TMEM30A: variants seen among roughly 807,000 people sequenced by gnomAD.
The protein encoded by TMEM30A is cell cycle control protein 50A.
Under a neutral mutation model 38.2 loss-of-function variants are expected in TMEM30A, and 24 were observed. That is an observed-to-expected ratio of 0.63 (90% CI 0.46 to 0.88). The LOEUF (loss-of-function observed/expected upper bound fraction) is 0.88, where lower values mean the gene tolerates loss of function less well. TMEM30A is among the 40% of genes least tolerant of loss of function. The probability of loss-of-function intolerance (pLI) is 0.00; values close to 1 mark genes in which losing one functional copy is unlikely to be tolerated. For synonymous variants in TMEM30A, 145 were observed against 161.6 expected, an observed-to-expected ratio of 0.90 and a Z score of 0.78; for missense variants, 370 against 458.6, an observed-to-expected ratio of 0.81 and a Z score of 1.77.
At chr6:75,268,805 G>A (rs771997465) in intron 1 of TMEM30A, among the ~76,000 whole-genome samples, 1 of 152,088 alleles carries the variant, frequency 6.6e-6, no homozygotes, top group Non-Finnish European at 1.5e-5. Flanking sequence ...TGAGTGGCCT[G>A]GGAACTTGAA....
chr6:75,256,874 TAAG>T, intron 6 of TMEM30A: 1 of 411,996 alleles, frequency 2.4e-6, no homozygotes, highest in Non-Finnish European at 4.8e-6. Context: ...GGTGGGCTGT[TAAG>T]GAGATTTAGG....
rs1771834572 is a variant in TMEM30A, at chr6:75,254,382, T to C, written c.*1720A>G. 6.6e-6 allele frequency: 1 copy of C among 151,982 alleles called. No individual in the cohort carries two copies. The highest frequency in any genetic ancestry group is 2.4e-5 in the African/African-American group (1 of 41,404). 9.4% of individuals were successfully genotyped at this position (151,982 alleles called of 1,614,324 possible). On this transcript the variant is annotated 3_prime_UTR_variant, in exon 7 of 7. Coordinates refer to ENST00000230461, the MANE Select transcript of TMEM30A (RefSeq NM_018247.4). ...GGGACAATCTTCAGAATAAATAATA[T>C]TCTGAAGGACTGACAAAACAGACTA...
rs143245303 is a variant in TMEM30A at position 75,261,808 on chromosome 6, G to A, written c.454-897C>T. The stretch of plus-strand genomic sequence containing the variant: ...TTGGATAAAAGCACTTGTGTGAATG[G>A]AAAAGATAAGGCTAAGGAAGTCTGT... On this transcript the variant is annotated intron_variant, in intron 3 of 6. Transcript: ENST00000230461. 3.7e-3 allele frequency among the ~76,000 whole-genome samples: 559 copies of A among 152,298 alleles called. 6 individuals are homozygous for A. Among genetic ancestry groups the A allele is most frequent in the African/African-American group, 0.013 (538 of 41,552 alleles).
At chr6:75,256,451 C>T (rs199849111) in intron 6 of TMEM30A, among the ~76,000 whole-genome samples, 156 bp from the exon 7 acceptor site, 2 of 140,074 alleles carry the variant, frequency 1.4e-5, no homozygotes, top group Non-Finnish European at 3.2e-5. Flanking sequence ...CACACACACA[C>T]AAAGTATTAT....
rs975582435 is a variant in TMEM30A, at chr6:75,284,712, C to T, written c.-74G>A. The T allele has an allele frequency of 1.3e-6, 2 of 1,509,494 alleles. No individual in the cohort carries two copies. The highest frequency in any genetic ancestry group is 1.4e-5 in the African/African-American group (1 of 73,012). The allele number at this position is 1,509,494 out of a possible 1,614,324, so 93.5% of individuals were successfully genotyped here. On this transcript the variant is annotated 5_prime_UTR_variant, in exon 1 of 7. Transcript: ENST00000230461. ...GCCCGCCGGCTGACCCTGACAGGAA[C>T]CGCTCGAGCGCCGCTGCCGCCGCCG...
At position 75,258,807 on chromosome 6, in the gene TMEM30A, C is replaced by CA; in HGVS notation, c.864dup (p.Gly289TrpfsTer17). 6.2e-7 allele frequency: 1 copy of CA among 1,613,820 alleles called. No homozygotes were observed. Among genetic ancestry groups the CA allele is most frequent in the Non-Finnish European group, 8.5e-7 (1 of 1,179,806 alleles). On this transcript the variant is annotated frameshift_variant, in exon 6 of 7. Transcript: ENST00000230461. LOFTEE classifies it high-confidence loss of function. The stretch of plus-strand genomic sequence containing the variant: ...TATGTGACATTCAAAGAGTATCGGC[C>CA]AGCTGGTAATGTTGGATGTAAATCA...
rs1405051526 is a variant in TMEM30A at position 75,265,406 on chromosome 6, C to T, written c.346-68G>A. ...TCTGTATAAACTTATTTCATGTGTA[C>T]ATAAAAGCTACGTAATTTGGACTTT... On this transcript the variant is annotated intron_variant, in intron 2 of 6. Coordinates refer to ENST00000230461, the MANE Select transcript of TMEM30A (RefSeq NM_018247.4). 7 of 877,098 alleles carry T rather than the reference C, an allele frequency of 8.0e-6. No individual in the cohort carries two copies. In the East Asian group the frequency reaches 1.6e-4, roughly 20 times the overall value. 54.3% of individuals were successfully genotyped at this position (877,098 alleles called of 1,614,324 possible). A position where few individuals can be genotyped will look rare whatever the true frequency, so the allele number is the denominator to read the frequency against.
chr6:75,265,140 C>T (rs1005725282), intron 3 of TMEM30A, 91 bp downstream of exon 3: 14 of 821,480 alleles, frequency 1.7e-5, no homozygotes, highest in Non-Finnish European at 2.3e-5. Context: ...AATGACAACA[C>T]TTTAATTTCA....
At chr6:75,268,939 G>A (rs1772117620) in intron 1 of TMEM30A, among the ~76,000 whole-genome samples, 1 of 152,162 alleles carries the variant, frequency 6.6e-6, no homozygotes, top group African/African-American at 2.4e-5. Context: ...GTTGATGTCA[G>A]AAGATCTGGC....
Position 75,256,162 on chromosome 6 carries a change from T to G in TMEM30A, c.1026A>C (p.Val342=), listed in dbSNP as rs1053310731. The change falls in exon 7 of 7, where the codon GTA becomes GTC. Residue 342 remains valine (V), a synonymous_variant. Coordinates refer to ENST00000230461, the MANE Select transcript of TMEM30A (RefSeq NM_018247.4). ...VGSISFLLGV[V]LLVINHKYRN... ...TATATTTATGATTAATTACTAGCAG[T>G]ACAACTCCCAGAAGGAAGGAGATGG... is the stretch of plus-strand genomic sequence containing the variant. 1 of 1,613,076 alleles carries G rather than the reference T, an allele frequency of 6.2e-7. No homozygotes were observed. The highest frequency in any genetic ancestry group is 1.3e-5 in the African/African-American group (1 of 74,894).
intron 3 of TMEM30A, among the ~76,000 whole-genome samples, chr6:75,263,277 A>G (rs1772004153): frequency 1.3e-5 from 2 of 152,196 alleles, no homozygotes; most frequent in Admixed American, 1.3e-4. Flanking sequence ...AGGGAGGATG[A>G]TATGTGATGA....
At chr6:75,262,472 G>A (rs956754135) in intron 3 of TMEM30A, among the ~76,000 whole-genome samples, 6 of 151,872 alleles carry the variant, frequency 4.0e-5, no homozygotes, top group Admixed American at 6.6e-5. Context: ...GTGAAACCAC[G>A]TCTCTACTAA....
chr6:75,271,234 C>A (rs1158566856), intron 1 of TMEM30A, among the ~76,000 whole-genome samples: 1 of 151,898 alleles, frequency 6.6e-6, no homozygotes, highest in Non-Finnish European at 1.5e-5. Context: ...GCAAAATCTG[C>A]AAGAGAAATC....
intron 3 of TMEM30A, among the ~76,000 whole-genome samples, chr6:75,264,171 T>C (rs1772021909): frequency 6.6e-6 from 1 of 152,250 alleles, no homozygotes. Flanking sequence ...CAGCAACTGA[T>C]GATCAGCAAT....
At chr6:75,265,400 T>C (rs1040980438) in intron 2 of TMEM30A, 62 bp from the exon 3 acceptor site, 3 of 975,098 alleles carry the variant, frequency 3.1e-6, no homozygotes, top group African/African-American at 1.7e-5. Flanking sequence ...ACTTATTTCA[T>C]GTGTACATAA....
At chr6:75,266,823 T>C (rs1285111083) in intron 2 of TMEM30A, among the ~76,000 whole-genome samples, 1 of 152,224 alleles carries the variant, frequency 6.6e-6, no homozygotes, top group Non-Finnish European at 1.5e-5. Context: ...AATAATTACA[T>C]TTGTCTTCTA....
intron 1 of TMEM30A, among the ~76,000 whole-genome samples, chr6:75,283,461 T>C (rs892239183): frequency 2.0e-5 from 3 of 152,068 alleles, no homozygotes; most frequent in Non-Finnish European, 2.9e-5. Flanking sequence ...TGGACACCTA[T>C]AGAGTATATA....
At chr6:75,265,403 G>T in intron 2 of TMEM30A, 65 bp from the exon 3 acceptor site, 2 of 899,766 alleles carry the variant, frequency 2.2e-6, no homozygotes, top group Non-Finnish European at 3.3e-6. Flanking sequence ...TATTTCATGT[G>T]TACATAAAAG....
Position 75,259,370 on chromosome 6 carries a change from T to C in TMEM30A, c.662A>G (p.Asp221Gly). The C allele has an allele frequency of 6.2e-7, 1 of 1,612,432 alleles. No homozygotes were observed. The highest frequency in any genetic ancestry group is 8.5e-7 in the Non-Finnish European group (1 of 1,179,412). Residue 221 changes from aspartate (D) to glycine (G), a missense_variant, in exon 5 of 7, where the codon GAC becomes GGC. Asp to Gly is a moderately conservative substitution (Grantham distance 94). Transcript: ENST00000230461. The part of the protein sequence containing the change: ...NVKFRNPPGG[D>G]NLEERFKGTT... ...ACCTTTAAATCGTTCTTCCAGGTTGTCTCCTCCAGGGGGATTTCTGAATTT... is the reference window on the plus strand; with the variant it reads ...ACCTTTAAATCGTTCTTCCAGGTTGCCTCCTCCAGGGGGATTTCTGAATTT...
Sources: gnomAD v4.1 joint callset for allele counts (sites outside exome capture counted in the v4.1 genomes callset) on GRCh38, gnomAD v4.1.1 for gene constraint, MANE v1.5 for transcripts, NCBI Gene and HGNC (gene_info 2026-07-23, HGNC 2026-07-21) for gene names.